CNTLN: variants seen among roughly 807,000 people sequenced by gnomAD.
CNTLN encodes centlein, centrosomal protein.
A neutral mutation model predicts 180.0 loss-of-function variants in CNTLN; 212 were observed. The observed-to-expected ratio is 1.18, with a 90% CI of 1.05 to 1.32. The LOEUF is 1.32. Ranked by LOEUF, CNTLN falls within the 40% of genes most tolerant of loss-of-function variation. The probability of loss-of-function intolerance (pLI) is 0.00; values close to 1 mark genes in which losing one functional copy is unlikely to be tolerated. For missense variants in CNTLN, 2,095 were observed against 1,610.9 expected, an observed-to-expected ratio of 1.30 and a Z score of -5.14; for synonymous variants, 722 against 563.1, an observed-to-expected ratio of 1.28 and a Z score of -3.99.
intron 18 of CNTLN, among the ~76,000 whole-genome samples, chr9:17,456,956 A>G (rs1831160466): frequency 6.6e-6 from 1 of 152,194 alleles, no homozygotes; most frequent in East Asian, 1.9e-4. Flanking sequence ...AACATTAGAA[A>G]CAGGACTTTT....
intron 5 of CNTLN, among the ~76,000 whole-genome samples, chr9:17,248,231 A>G (rs1825921110): frequency 6.6e-6 from 1 of 152,104 alleles, no homozygotes; most frequent in Admixed American, 6.6e-5. Context: ...GCTTTGGTAT[A>G]AGGATTATGC....
rs1826365217 is a variant in CNTLN at position 17,394,697 on chromosome 9, A to C, written c.2243A>C (p.Lys748Thr). The C allele has an allele frequency of 1.9e-6, 3 of 1,613,996 alleles. No individual in the cohort carries two copies. The highest frequency in any genetic ancestry group is 2.5e-6 in the Non-Finnish European group (3 of 1,179,958). ...GAAAAAGAGCTAGAACAGATAATAA[A>C]GGGGAGTAAAGATGTAGAAAAAGAA... The part of the protein sequence containing the change: ...TREKELEQII[K>T]GSKDVEKENT... The change falls in exon 15 of 26, where the codon AAG (lysine) becomes ACG (threonine). Residue 748 changes from lysine (K) to threonine (T), a missense_variant. By Grantham distance (78) the Lys-to-Thr change is moderately conservative (BLOSUM62 -1). Coordinates refer to ENST00000380647, the MANE Select transcript of CNTLN (RefSeq NM_017738.4).
At chr9:17,369,846 G>T (rs1371387019) in intron 13 of CNTLN, among the ~76,000 whole-genome samples, 1 of 151,856 alleles carries the variant, frequency 6.6e-6, no homozygotes, top group African/African-American at 2.4e-5. Flanking sequence ...CATTAGCCAG[G>T]CATGGTGGCA....
intron 10 of CNTLN, among the ~76,000 whole-genome samples, chr9:17,335,593 T>G (rs561796335): frequency 3.3e-5 from 5 of 152,302 alleles, no homozygotes; most frequent in African/African-American, 1.2e-4. Flanking sequence ...TGATACATTT[T>G]TTCCTGTTTT....
rs923814904 is a variant in CNTLN at position 17,146,357 on chromosome 9, T to C, written c.449+2981T>C. ...CCTCAGTGGCCTTTGTACTTTTTGT[T>C]CCATCAATAAGTGGAATTCTTCTGT... On this transcript the variant is annotated intron_variant, in intron 2 of 25. Coordinates refer to ENST00000380647, the MANE Select transcript of CNTLN (RefSeq NM_017738.4). Among the ~76,000 whole-genome samples, 7 of 152,154 alleles carry C rather than the reference T, an allele frequency of 4.6e-5. No individual in the cohort carries two copies. The South Asian group carries it at 6.2e-4, about 14-fold the overall frequency.
At chr9:17,432,143 G>A (rs1455932416) in intron 18 of CNTLN, among the ~76,000 whole-genome samples, 1 of 152,036 alleles carries the variant, frequency 6.6e-6, no homozygotes, top group Non-Finnish European at 1.5e-5. Context: ...GGAGAAATCA[G>A]GGGAAATAGC....
chr9:17,401,075 G>T (rs976663834), intron 15 of CNTLN, among the ~76,000 whole-genome samples: 1 of 152,034 alleles, frequency 6.6e-6, no homozygotes, highest in Non-Finnish European at 1.5e-5. Flanking sequence ...GTCAAAAATC[G>T]GTTTGTCTGT....
At chr9:17,300,745 A>G (rs1257060991) in intron 7 of CNTLN, 1 of 154,208 alleles carries the variant, frequency 6.5e-6, no homozygotes, top group Non-Finnish European at 1.4e-5. Flanking sequence ...GTGGGACTCT[A>G]CATGTTCCGA....
chr9:17,336,221 T>A (rs940010788), intron 10 of CNTLN, among the ~76,000 whole-genome samples: 1 of 152,176 alleles, frequency 6.6e-6, no homozygotes, highest in African/African-American at 2.4e-5. Flanking sequence ...TGGATCATAA[T>A]CCAAACTACA....
intron 2 of CNTLN, among the ~76,000 whole-genome samples, chr9:17,147,976 A>T (rs979481045): frequency 2.0e-5 from 3 of 152,230 alleles, no homozygotes; most frequent in African/African-American, 7.2e-5. Context: ...GAATTATACT[A>T]CTATACTTCA....
chr9:17,291,595 A>G (rs1468233847), intron 6 of CNTLN, among the ~76,000 whole-genome samples: 1 of 152,150 alleles, frequency 6.6e-6, no homozygotes, highest in African/African-American at 2.4e-5. Flanking sequence ...CTGTTGGTTT[A>G]AAGTCTATTT....
intron 6 of CNTLN, among the ~76,000 whole-genome samples, chr9:17,282,868 T>G (rs1587480063): frequency 6.6e-6 from 1 of 152,208 alleles, no homozygotes. Context: ...TGCTTGTTTT[T>G]GTCAGGTTTG....
chr9:17,175,242 AT>A (rs1029520383), intron 2 of CNTLN, among the ~76,000 whole-genome samples: 3 of 151,944 alleles, frequency 2.0e-5, no homozygotes, highest in South Asian at 2.1e-4. Context: ...ATTTTCTCTT[AT>A]TTTTTTTCCT....
chr9:17,369,814 C>G (rs1017892676), intron 13 of CNTLN, among the ~76,000 whole-genome samples: 1 of 151,644 alleles, frequency 6.6e-6, no homozygotes, highest in Non-Finnish European at 1.5e-5. Context: ...TGGTGGAACC[C>G]TGTCTCTACT....
intron 15 of CNTLN, among the ~76,000 whole-genome samples, chr9:17,408,419 C>G (rs1444304389): frequency 1.3e-5 from 2 of 152,026 alleles, no homozygotes; most frequent in Non-Finnish European, 2.9e-5. Context: ...TTTCCTGTCC[C>G]TCTACCCTGA....
chr9:17,328,955 GT>G (rs1372652359), intron 8 of CNTLN, among the ~76,000 whole-genome samples: 1 of 151,842 alleles, frequency 6.6e-6, no homozygotes, highest in Non-Finnish European at 1.5e-5. Flanking sequence ...AGTATCCACT[GT>G]TGGAGCATTG....
At chr9:17,262,238 G>A (rs543067083) in intron 5 of CNTLN, among the ~76,000 whole-genome samples, 3 of 151,552 alleles carry the variant, frequency 2.0e-5, no homozygotes, top group Middle Eastern at 3.4e-3. Flanking sequence ...TATACTCAAA[G>A]GGTTATAAAT....
intron 6 of CNTLN, among the ~76,000 whole-genome samples, chr9:17,294,950 G>A (rs1162654292): frequency 6.8e-6 from 1 of 148,140 alleles, no homozygotes; most frequent in Non-Finnish European, 1.5e-5. Context: ...CTCAGGCATG[G>A]TGGGCTGCAG....
intron 2 of CNTLN, among the ~76,000 whole-genome samples, chr9:17,185,638 G>A (rs1469429583): frequency 1.3e-5 from 2 of 152,124 alleles, no homozygotes; most frequent in African/African-American, 2.4e-5. Flanking sequence ...CCAGAGCATT[G>A]AAGAGGTTTC....
Sources: allele counts gnomAD v4.1 joint callset (sites outside exome capture counted in the v4.1 genomes callset), GRCh38; gene constraint gnomAD v4.1.1; transcripts MANE v1.5; gene names NCBI Gene and HGNC (gene_info 2026-07-23, HGNC 2026-07-21).